The following GP6 variants were observed in gnomAD, a reference collection of about 807,000 sequenced individuals.
GP6 encodes platelet glycoprotein VI.
A neutral mutation model predicts 37.3 loss-of-function variants in GP6; 45 were observed. That is an observed-to-expected ratio of 1.21 (90% CI 0.95 to 1.55). GP6 has a LOEUF of 1.55. GP6 is among the 40% of genes most tolerant of loss of function. The probability of loss-of-function intolerance (pLI) is 0.00; values close to 1 mark genes in which losing one functional copy is unlikely to be tolerated. For missense variants in GP6, 813 were observed against 760.2 expected (o/e 1.07, Z -0.82); for synonymous variants, 340 against 316.4 (o/e 1.07, Z -0.79).
chr19:55,024,309 T>TGCACGCACACACACACGCACGC (rs1357661954), intron 5 of GP6, among the ~76,000 whole-genome samples: 6 of 129,948 alleles, frequency 4.6e-5, no homozygotes, highest in African/African-American at 9.0e-5. Flanking sequence ...TGCACACACA[T>TGCACGCACACACACACGCACGC]ATGCACGCAC....
chr19:55,020,661 A>C (rs113963498), intron 5 of GP6, among the ~76,000 whole-genome samples: 3,879 of 152,212 alleles, frequency 0.025, 171 homozygotes, highest in African/African-American at 0.087. Context: ...TGCTATTGTG[A>C]ATAGTGCTGC....
intron 3 of GP6, among the ~76,000 whole-genome samples, chr19:55,030,236 G>C (rs1048435903): frequency 4.1e-4 from 62 of 152,294 alleles, no homozygotes; most frequent in Non-Finnish European, 7.5e-4. Context: ...TATAGTCCCA[G>C]CTACTAGGGA....
rs373346261 is a variant in GP6 at position 55,015,017 on chromosome 19, C to A, written c.928G>T (p.Ala310Ser). The change falls in exon 8 of 8, where the codon GCT becomes TCT. Residue 310 changes from alanine to serine, a missense_variant. By Grantham distance (99) the Ala-to-Ser change is moderately conservative. Transcript: ENST00000310373. ...GCGGGAGGGGCGGGAGGGGCGGAAG[C>A]GGCCTCTGCACAGCCCTGCCCCTGT... 1 of 1,611,884 alleles carries A rather than the reference C, an allele frequency of 6.2e-7. No individual in the cohort carries two copies. Among genetic ancestry groups the A allele is most frequent in the African/African-American group, 1.3e-5 (1 of 74,992 alleles).
At position 55,014,560 on chromosome 19, in the gene GP6, A is replaced by G. The variant is rs1239476946; in HGVS notation, c.1385T>C (p.Val462Ala). The G allele has an allele frequency of 2.5e-6, 4 of 1,613,424 alleles. No homozygotes were observed. In the South Asian group the frequency reaches 3.3e-5, roughly 13 times the overall value. ...TTGCACAGAGGATGGAACAGAGTCA[A>G]CCCTGAGAGCTGGGAACCTTAGAGA... The change falls in exon 8 of 8, where the codon GTT becomes GCT. Residue 462 changes from valine (V) to alanine (A), a missense_variant. Physicochemically the swap from Val to Ala is moderately conservative, Grantham distance 64 (BLOSUM62 0). Transcript: ENST00000310373.
intron 1 of GP6, 91 bp from the exon 2 acceptor site, chr19:55,032,629 A>C: frequency 8.0e-7 from 1 of 1,251,906 alleles, no homozygotes; most frequent in Non-Finnish European, 1.2e-6. Flanking sequence ...TTGCATGCAT[A>C]TGCTTTACTC....
intron 6 of GP6, among the ~76,000 whole-genome samples, chr19:55,016,838 C>G (rs11667510): frequency 0.76 from 114,616 of 151,356 alleles, 44,406 homozygotes; most frequent in Middle Eastern, 0.85. Context: ...GGCGGATCAC[C>G]TGAGGTCAAG....
Position 55,027,689 on chromosome 19 carries a change from T to C in GP6, c.499A>G (p.Ile167Val). 1 of 1,613,018 alleles carries C rather than the reference T, an allele frequency of 6.2e-7. No homozygotes were observed. The highest frequency in any genetic ancestry group is 8.5e-7 in the Non-Finnish European group (1 of 1,178,994). Residue 167 changes from isoleucine (I) to valine (V), a missense_variant, in exon 4 of 8, where the codon ATC becomes GTC. Coordinates refer to ENST00000310373, the MANE Select transcript of GP6 (RefSeq NM_001083899.2). ...CTGTGGGCGGCGGTCACCGTGATGA[T>C]GGGAAAACTAGCCCTGTACCATCTC...
At chr19:55,035,021 G>A (rs181381194) in intron 1 of GP6, among the ~76,000 whole-genome samples, 25 of 152,268 alleles carry the variant, frequency 1.6e-4, no homozygotes, top group African/African-American at 5.1e-4. Flanking sequence ...GTTTCCATGC[G>A]ACGCTGTACC....
In GP6 at chr19:55,032,891, A is replaced by ACTTGTTCGTGTTAGACACGGTGGG. The variant is rs2074627991; in HGVS notation, c.35-354_35-353insCCCACCGTGTCTAACACGAACAAG. 3 of 145,200 alleles carry ACTTGTTCGTGTTAGACACGGTGGG rather than the reference A, an allele frequency of 2.1e-5. No individual in the cohort carries two copies. In the African/African-American group the frequency reaches 2.1e-4, roughly 10 times the overall value. The allele number at this position is 145,200 out of a possible 1,614,324, so 9.0% of individuals were successfully genotyped here. On this transcript the variant is annotated intron_variant, in intron 1 of 7. Coordinates refer to ENST00000310373, the MANE Select transcript of GP6 (RefSeq NM_001083899.2). ...GGCTCGTTCGTGTTAGACACGGTGG[A>ACTTGTTCGTGTTAGACACGGTGGG]CTCGTTCGTGTTAGACACGGTGGGC...
At chr19:55,031,673 T>C (rs1044423305) in intron 3 of GP6, among the ~76,000 whole-genome samples, 1 of 152,174 alleles carries the variant, frequency 6.6e-6, no homozygotes, top group African/African-American at 2.4e-5. Context: ...TCCCAACACT[T>C]TGGGAAGCCA....
chr19:55,022,528 G>T (rs552868174), intron 5 of GP6, among the ~76,000 whole-genome samples: 1 of 152,280 alleles, frequency 6.6e-6, no homozygotes, highest in South Asian at 2.1e-4. Flanking sequence ...GCAAGAGAAA[G>T]AAATAAAGGA....
chr19:55,018,750 C>T (rs776213608), intron 5 of GP6, 39 bp from the exon 6 acceptor site: 7 of 1,375,224 alleles, frequency 5.1e-6, no homozygotes, highest in East Asian at 2.3e-5. Flanking sequence ...CCCCGTGGTT[C>T]CCTATATCCT....
intron 5 of GP6, among the ~76,000 whole-genome samples, chr19:55,022,924 GCCATACTGCCCAAAGTAATTTATA>G (rs1358900785): frequency 6.6e-6 from 1 of 152,106 alleles, no homozygotes; most frequent in African/African-American, 2.4e-5. Flanking sequence ...CGTGAAAATG[GCCATACTGCCCAAAGTAATTTATA>G]GATTCATTGC....
At chr19:55,037,622 C>CG (rs1200449738) in intron 1 of GP6, among the ~76,000 whole-genome samples, 2 of 96,222 alleles carry the variant, frequency 2.1e-5, no homozygotes, top group African/African-American at 3.9e-5. Context: ...TGGCACTCAG[C>CG]CTTTTTTTTT....
rs1169570667 is a variant in GP6, at chr19:55,014,300, G to C, written c.1645C>G (p.Leu549Val). 1 of 1,486,258 alleles carries C rather than the reference G, an allele frequency of 6.7e-7. No homozygotes were observed. The highest frequency in any genetic ancestry group is 9.4e-7 in the Non-Finnish European group (1 of 1,066,316). 92.1% of individuals were successfully genotyped at this position (1,486,258 alleles called of 1,614,324 possible). Residue 549 changes from leucine (L) to valine (V), a missense_variant, in exon 8 of 8, where the codon CTC becomes GTC. Coordinates refer to ENST00000310373, the MANE Select transcript of GP6 (RefSeq NM_001083899.2). ...TGTGTTTTTTTGTTTTGTTGGTAGA[G>C]ATGAGGTTTCACCATGTTGCACAGG...
intron 2 of GP6, 31 bp downstream of exon 2, chr19:55,032,475 C>CA: frequency 1.2e-6 from 2 of 1,613,756 alleles, no homozygotes; most frequent in South Asian, 2.2e-5. Flanking sequence ...GCGGATCCCG[C>CA]AGGAGGGAAG....
chr19:55,019,878 C>T (rs1432981968), intron 5 of GP6, among the ~76,000 whole-genome samples: 5 of 151,876 alleles, frequency 3.3e-5, no homozygotes, highest in African/African-American at 1.2e-4. Flanking sequence ...TGGGGTTTCA[C>T]CGTGTTAGCC....
chr19:55,013,798 C>G lies in GP6; in HGVS notation c.*284G>C, dbSNP rs1030503198. ...CTTGAACTCCTGGGCTCAAGCGATC[C>G]TCCTGCCTTGGCCTCCCACAGTGCT... On this transcript the variant is annotated 3_prime_UTR_variant, in exon 8 of 8. Coordinates refer to ENST00000310373, the MANE Select transcript of GP6 (RefSeq NM_001083899.2). The G allele has an allele frequency of 6.7e-6, 2 of 296,422 alleles. No individual in the cohort carries two copies. The highest frequency in any genetic ancestry group is 1.3e-5 in the Non-Finnish European group (2 of 150,828). The allele number at this position is 296,422 out of a possible 1,614,324, so 18.4% of individuals were successfully genotyped here.
In GP6 at chr19:55,024,325, CAT is replaced by C. The variant is rs368977326; in HGVS notation, c.664+891_664+892del. On this transcript the variant is annotated intron_variant, in intron 5 of 7. Coordinates refer to ENST00000310373, the MANE Select transcript of GP6 (RefSeq NM_001083899.2). The stretch of plus-strand genomic sequence containing the variant: ...GCACACACATATGCACGCACACACA[CAT>C]ATGCACGCACACACGCACATGCACG... Among the ~76,000 whole-genome samples, 451 of 81,932 alleles carry C rather than the reference CAT, an allele frequency of 5.5e-3. 7 individuals are homozygous for C. Among genetic ancestry groups the C allele is most frequent in the Middle Eastern group, 0.027 (4 of 150 alleles). The allele number at this position is 81,932 out of a possible 152,430, so 53.8% of individuals were successfully genotyped here. A position where few individuals can be genotyped will look rare whatever the true frequency, so the allele number is the denominator to read the frequency against.
Sources: gnomAD v4.1 joint callset for allele counts (sites outside exome capture counted in the v4.1 genomes callset) on GRCh38, gnomAD v4.1.1 for gene constraint, MANE v1.5 for transcripts, NCBI Gene and HGNC (gene_info 2026-07-23, HGNC 2026-07-21) for gene names.